DNAJC13: variants seen among roughly 807,000 people sequenced by gnomAD.
DNAJC13 encodes dnaJ homolog subfamily C member 13.
Under a neutral mutation model 290.5 loss-of-function variants are expected in DNAJC13, and 75 were observed. The ratio of observed to expected loss-of-function variants is 0.26; its 90% CI spans 0.21 to 0.31. The LOEUF (loss-of-function observed/expected upper bound fraction) is 0.31. Among genes scored for constraint, DNAJC13 ranks in the 10% least tolerant of loss-of-function variants. The pLI is 1.00. For missense variants in DNAJC13, 2,260 were observed against 2,674.5 expected, an observed-to-expected ratio of 0.85 and a Z score of 3.42; for synonymous variants, 862 against 892.0, an observed-to-expected ratio of 0.97 and a Z score of 0.60.
At chr3:132,422,464 G>A (rs1559861936) in intron 1 of DNAJC13, among the ~76,000 whole-genome samples, 1 of 152,102 alleles carries the variant, frequency 6.6e-6, no homozygotes, top group Non-Finnish European at 1.5e-5. Context: ...CAGATGGGAT[G>A]GCATCCTAGC....
intron 44 of DNAJC13, among the ~76,000 whole-genome samples, chr3:132,511,924 A>AT (rs1343355571): frequency 6.6e-6 from 1 of 152,186 alleles, no homozygotes; most frequent in East Asian, 1.9e-4. Flanking sequence ...TCTTCTTAGT[A>AT]TGTATTAAAG....
rs181555995 is a variant in DNAJC13 at position 132,460,102 on chromosome 3, A to G, written c.1450-148A>G. The G allele has an allele frequency of 3.4e-4, 155 of 454,256 alleles. No individual in the cohort carries two copies. In the East Asian group the frequency reaches 4.9e-3, roughly 14 times the overall value. 28.1% of individuals were successfully genotyped at this position (454,256 alleles called of 1,614,324 possible). A position where few individuals can be genotyped will look rare whatever the true frequency, so the allele number is the denominator to read the frequency against. On this transcript the variant is annotated intron_variant, in intron 13 of 55. Transcript: ENST00000260818. ...AAATCGTCACTTCTGCCTGCTTATC[A>G]CGAGTTTCCTTTTTGCCTTACACTT... is the stretch of plus-strand genomic sequence containing the variant.
At chr3:132,483,991 C>T (rs893010590) in intron 28 of DNAJC13, among the ~76,000 whole-genome samples, 2 of 152,160 alleles carry the variant, frequency 1.3e-5, no homozygotes, top group Admixed American at 1.3e-4. Flanking sequence ...AGAATTTGTT[C>T]TCCAAGTCAT....
intron 6 of DNAJC13, among the ~76,000 whole-genome samples, chr3:132,452,990 C>G (rs1933464801): frequency 6.6e-6 from 1 of 152,232 alleles, no homozygotes; most frequent in Non-Finnish European, 1.5e-5. Context: ...AGTGGCTTGG[C>G]TGGGGTTCCT....
At chr3:132,507,588 A>G (rs1390496032) in intron 43 of DNAJC13, among the ~76,000 whole-genome samples, 1 of 151,900 alleles carries the variant, frequency 6.6e-6, no homozygotes, top group African/African-American at 2.4e-5. Flanking sequence ...CATTTTGGTA[A>G]TTCTCTCAAT....
chr3:132,430,408 C>A (rs1939209870), intron 1 of DNAJC13, among the ~76,000 whole-genome samples: 1 of 151,796 alleles, frequency 6.6e-6, no homozygotes, highest in Non-Finnish European at 1.5e-5. Context: ...TATTAGGGAT[C>A]TTTATTCCTT....
chr3:132,471,011 C>T (rs1432538726), intron 20 of DNAJC13, among the ~76,000 whole-genome samples: 83 of 121,826 alleles, frequency 6.8e-4, no homozygotes, highest in African/African-American at 2.0e-3. Flanking sequence ...GCTGGCCGGG[C>T]GGAGGGCTGA....
In DNAJC13 at chr3:132,446,518, T is replaced by C; in HGVS notation, c.112T>C (p.Tyr38His). The C allele has an allele frequency of 6.2e-7, 1 of 1,609,302 alleles. No individual in the cohort carries two copies. Among genetic ancestry groups the C allele is most frequent in the Non-Finnish European group, 8.5e-7 (1 of 1,178,172 alleles). The part of the protein sequence containing the change: ...FSVGTHAITT[Y>H]NPNTLEVTNQ... ...AGTTGGAACTCATGCGATTACTACA[T>C]ATAATCCCAATACCTTAGAAGTAAC... is the stretch of plus-strand genomic sequence containing the variant. The change falls in exon 3 of 56, where the codon TAT (tyrosine) becomes CAT (histidine). Residue 38 changes from tyrosine (Y) to histidine (H), a missense_variant. Around this residue, in one of 3 missense-constraint regions of DNAJC13, gnomAD observed 762 missense variants for 964.1 expected, o/e 0.79. Coordinates refer to ENST00000260818, the MANE Select transcript of DNAJC13 (RefSeq NM_015268.4).
In DNAJC13 at chr3:132,538,448, T is replaced by G; in HGVS notation, c.*166T>G. 3.6e-6 allele frequency: 2 copies of G among 563,326 alleles called. No individual in the cohort carries two copies. The highest frequency in any genetic ancestry group is 6.1e-6 in the Non-Finnish European group (2 of 328,188). The allele number at this position is 563,326 out of a possible 1,614,324, so 34.9% of individuals were successfully genotyped here. On this transcript the variant is annotated 3_prime_UTR_variant, in exon 56 of 56. Coordinates refer to ENST00000260818, the MANE Select transcript of DNAJC13 (RefSeq NM_015268.4). ...GAAAAAAAGTCAGTGATCCTAATTG[T>G]ATCACATTATAAGAAAGCACTCTGT...
At chr3:132,528,148 A>C (rs970542138) in intron 53 of DNAJC13, 41 bp from the exon 54 acceptor site, 1 of 1,604,784 alleles carries the variant, frequency 6.2e-7, no homozygotes, top group Admixed American at 1.7e-5. Flanking sequence ...GATGATTTGC[A>C]TTTTTTCTGT....
intron 1 of DNAJC13, among the ~76,000 whole-genome samples, chr3:132,422,102 C>A (rs1938976283): frequency 6.6e-6 from 1 of 151,976 alleles, no homozygotes; most frequent in African/African-American, 2.4e-5. Flanking sequence ...ACGATCATAG[C>A]TCACTGTAGC....
intron 21 of DNAJC13, among the ~76,000 whole-genome samples, chr3:132,473,798 G>T: frequency 6.6e-6 from 1 of 152,062 alleles, no homozygotes; most frequent in Non-Finnish European, 1.5e-5. Flanking sequence ...ATTATACCTT[G>T]GCCAATAAAG....
Position 132,456,560 on chromosome 3 carries a change from C to T in DNAJC13, c.1159C>T (p.Leu387=). ...TGCTAATATTTCATACAGTGGAGTCCTACATGCAGTAACACAAGATGTAAG... is the reference window on the plus strand; with the variant it reads ...TGCTAATATTTCATACAGTGGAGTCTTACATGCAGTAACACAAGATGTAAG... ...FNANISYSGV[L]HAVTQDGLFS... is the part of the protein sequence containing the mutation. Residue 387 remains leucine, a synonymous_variant, in exon 11 of 56, where the codon CTA becomes TTA. Transcript: ENST00000260818. 1.2e-6 allele frequency: 2 copies of T among 1,613,850 alleles called. No homozygotes were observed. The highest frequency in any genetic ancestry group is 1.7e-6 in the Non-Finnish European group (2 of 1,179,850).
At chr3:132,538,077 T>C in intron 55 of DNAJC13, 99 bp from the exon 56 acceptor site, 4 of 811,574 alleles carry the variant, frequency 4.9e-6, no homozygotes, top group Non-Finnish European at 8.0e-6. Context: ...ATTAGTTTTG[T>C]GTGATGGAGT....
chr3:132,526,156 A>G lies in DNAJC13; in HGVS notation c.6256A>G (p.Met2086Val). 1 of 1,614,060 alleles carries G rather than the reference A, an allele frequency of 6.2e-7. No homozygotes were observed. Among genetic ancestry groups the G allele is most frequent in the African/African-American group, 1.3e-5 (1 of 75,052 alleles). ...LSENELCVRA[M>V]ASLETIGPLM... is the part of the protein sequence containing the mutation. ...GGGCACTTAGCTGTGTGTTCGAGCCATGGCATCTTTAGAGACCATTGGCCC... is the reference window on the plus strand; with the variant it reads ...GGGCACTTAGCTGTGTGTTCGAGCCGTGGCATCTTTAGAGACCATTGGCCC... Residue 2086 changes from methionine to valine, a missense_variant, in exon 53 of 56, where the codon ATG becomes GTG. By Grantham distance (21) the Met-to-Val change is conservative (BLOSUM62 1). Coordinates refer to ENST00000260818, the MANE Select transcript of DNAJC13 (RefSeq NM_015268.4).
chr3:132,429,784 C>G (rs1314397066), intron 1 of DNAJC13, among the ~76,000 whole-genome samples: 1 of 152,086 alleles, frequency 6.6e-6, no homozygotes, highest in Non-Finnish European at 1.5e-5. Flanking sequence ...CCTTACCTCT[C>G]AGATATACCC....
rs1448901833 is a variant in DNAJC13, at chr3:132,477,900, A to G, written c.2549+8A>G. The G allele has an allele frequency of 3.7e-6, 6 of 1,610,618 alleles. No individual in the cohort carries two copies. The South Asian group carries it at 6.6e-5, about 18-fold the overall frequency. ...TGGATCAATTAAGAGATCGTGAGCT[A>G]CTCTGTATATCCTGTCGCATTTGTT... On this transcript the variant is annotated splice_region_variant and intron_variant, in intron 23 of 55. Coordinates refer to ENST00000260818, the MANE Select transcript of DNAJC13 (RefSeq NM_015268.4).
chr3:132,458,445 G>A (rs1269557593), intron 13 of DNAJC13: 2 of 152,164 alleles, frequency 1.3e-5, no homozygotes, highest in Admixed American at 6.6e-5. Context: ...AACAAAAGAT[G>A]TTCCTATTAC....
In DNAJC13 at chr3:132,463,706, A is replaced by G; in HGVS notation, c.1781A>G (p.Lys594Arg). The G allele has an allele frequency of 6.2e-7, 1 of 1,612,998 alleles. No individual in the cohort carries two copies. Among genetic ancestry groups the G allele is most frequent in the Non-Finnish European group, 8.5e-7 (1 of 1,179,256 alleles). ...ACCCTTTTTCCAAAGGAAGGTGATA[A>G]AGAAATTGCTACAAAAATGCAGGAG... Reference protein sequence around the residue: ...VMKAIIEEGDKEIATKMQELA... With the variant: ...VMKAIIEEGDREIATKMQELA... Residue 594 changes from lysine to arginine, a missense_variant, in exon 17 of 56, where the codon AAA (lysine) becomes AGA (arginine). Transcript: ENST00000260818.
Sources: gnomAD v4.1 joint callset for allele counts (sites outside exome capture counted in the v4.1 genomes callset) on GRCh38, gnomAD v4.1.1 for gene constraint, gnomAD v4.1.1 regional missense constraint, MANE v1.5 for transcripts, NCBI Gene and HGNC (gene_info 2026-07-23, HGNC 2026-07-21) for gene names.